Variants in SLC25A12 observed in about 807,000 individuals in gnomAD.
SLC25A12 encodes electrogenic aspartate/glutamate antiporter SLC25A12, mitochondrial.
SLC25A12 carries 32 observed loss-of-function variants against 83.3 expected under a neutral mutation model. That is an observed-to-expected ratio of 0.38 (90% CI 0.29 to 0.52). The LOEUF (loss-of-function observed/expected upper bound fraction) is 0.52. Ranked by LOEUF, SLC25A12 falls within the 20% of genes least tolerant of loss-of-function variation. The pLI is 0.84. For synonymous variants in SLC25A12, 267 were observed against 291.1 expected (o/e 0.92, Z 0.84); for missense variants, 611 against 835.6 (o/e 0.73, Z 3.31).
chr2:171,865,454 A>G (rs1211780582), intron 3 of SLC25A12, among the ~76,000 whole-genome samples: 2 of 152,128 alleles, frequency 1.3e-5, no homozygotes, highest in Admixed American at 1.3e-4. Context: ...TGAGGTCAGG[A>G]GTTCGAGATC....
chr2:171,827,017 T>C, intron 8 of SLC25A12, 135 bp from the exon 9 acceptor site: 2 of 664,004 alleles, frequency 3.0e-6, no homozygotes, highest in Admixed American at 5.5e-5. Flanking sequence ...ACACAGATCA[T>C]TTTAGTGAAA....
chr2:171,823,620 T>C (rs1477554870), intron 9 of SLC25A12, among the ~76,000 whole-genome samples: 5 of 152,190 alleles, frequency 3.3e-5, no homozygotes, highest in Admixed American at 3.3e-4. Flanking sequence ...TCTCTGTACC[T>C]AATCCTCAGT....
chr2:171,793,812 C>T (rs536488191), intron 13 of SLC25A12, 45 bp from the exon 14 acceptor site: 6 of 1,612,110 alleles, frequency 3.7e-6, no homozygotes, highest in East Asian at 4.5e-5. Flanking sequence ...CATCAGAGCC[C>T]GACTGGCAGC....
intron 4 of SLC25A12, among the ~76,000 whole-genome samples, 159 bp from the exon 5 acceptor site, chr2:171,844,667 C>T (rs989503093): frequency 4.6e-5 from 7 of 152,146 alleles, no homozygotes; most frequent in South Asian, 2.1e-4. Context: ...AGAAACCATG[C>T]GCAGGAACAC....
intron 9 of SLC25A12, among the ~76,000 whole-genome samples, chr2:171,819,330 TA>T (rs1395285720): frequency 1.7e-5 from 2 of 119,976 alleles, no homozygotes; most frequent in African/African-American, 3.1e-5. Flanking sequence ...ACATAATATA[TA>T]ATTATATATA....
intron 5 of SLC25A12, among the ~76,000 whole-genome samples, chr2:171,843,229 A>C (rs1310709339): frequency 6.6e-6 from 1 of 152,220 alleles, no homozygotes; most frequent in East Asian, 1.9e-4. Flanking sequence ...TAGAATACCT[A>C]ATGTGTTTTA....
chr2:171,850,979 T>C lies in SLC25A12; in HGVS notation c.325+4855A>G, dbSNP rs1016660834. Among the ~76,000 whole-genome samples the C allele has an allele frequency of 3.9e-5, 6 of 152,318 alleles. No individual in the cohort carries two copies. In the South Asian group the frequency reaches 8.3e-4, roughly 21 times the overall value. On this transcript the variant is annotated intron_variant, in intron 4 of 17. Coordinates refer to ENST00000422440, the MANE Select transcript of SLC25A12 (RefSeq NM_003705.5). ...TGCTATATGTATTAATGGTCAAACATAGTACTACATTTAAAGGAATCTCTG... is the reference window on the plus strand; with the variant it reads ...TGCTATATGTATTAATGGTCAAACACAGTACTACATTTAAAGGAATCTCTG...
intron 5 of SLC25A12, among the ~76,000 whole-genome samples, chr2:171,842,683 G>A (rs2105893959): frequency 6.6e-6 from 1 of 152,306 alleles, no homozygotes; most frequent in Middle Eastern, 3.4e-3. Context: ...TAGGCTGGAA[G>A]TTGCCAGAGC....
intron 1 of SLC25A12, 151 bp from the exon 2 acceptor site, chr2:171,893,409 C>A: frequency 1.4e-6 from 1 of 739,864 alleles, no homozygotes; most frequent in Admixed American, 2.3e-5. Flanking sequence ...CTGATAAGAA[C>A]TGTCAAACTG....
Position 171,784,979 on chromosome 2 carries a change from AAT to A in SLC25A12, c.*293_*294del, listed in dbSNP as rs1404816308. On this transcript the variant is annotated 3_prime_UTR_variant, in exon 18 of 18. Coordinates refer to ENST00000422440, the MANE Select transcript of SLC25A12 (RefSeq NM_003705.5). ...AAGATGTCTCTGTACAAAGATGTAC[AAT>A]ATGTACAATCACTGTAAGTGCAAGC... is the stretch of plus-strand genomic sequence containing the variant. 2.6e-6 allele frequency: 1 copy of A among 382,968 alleles called. No individual in the cohort carries two copies. Among genetic ancestry groups the A allele is most frequent in the African/African-American group, 2.1e-5 (1 of 48,120 alleles). 23.7% of individuals were successfully genotyped at this position (382,968 alleles called of 1,614,324 possible). A position where few individuals can be genotyped will look rare whatever the true frequency, so the allele number is the denominator to read the frequency against.
chr2:171,893,098 G>T, intron 2 of SLC25A12, 107 bp downstream of exon 2: 1 of 864,228 alleles, frequency 1.2e-6, no homozygotes, highest in Non-Finnish European at 1.9e-6. Flanking sequence ...ATGTTTGAAA[G>T]AATACATGAA....
At chr2:171,842,775 A>G (rs1684705913) in intron 5 of SLC25A12, among the ~76,000 whole-genome samples, 2 of 152,156 alleles carry the variant, frequency 1.3e-5, no homozygotes, top group Non-Finnish European at 2.9e-5. Flanking sequence ...TTGGAACTAG[A>G]TATAAGACAC....
In SLC25A12 at chr2:171,893,228, C is replaced by T. The variant is rs1019534146; in HGVS notation, c.43G>A (p.Glu15Lys). The T allele has an allele frequency of 6.2e-7, 1 of 1,614,100 alleles. No homozygotes were observed. The highest frequency in any genetic ancestry group is 8.5e-7 in the Non-Finnish European group (1 of 1,180,016). The change falls in exon 2 of 18, where the codon GAG (glutamate) becomes AAG (lysine). Residue 15 changes from glutamate to lysine, a missense_variant. Coordinates refer to ENST00000422440, the MANE Select transcript of SLC25A12 (RefSeq NM_003705.5). ...VQTTKRGDPH[E>K]LRNIFLQYAS... ...ACCTGTAGAAATATGTTTCTTAACT[C>T]ATGAGGATCCCCTCGCTTAGTTGTC...
intron 3 of SLC25A12, among the ~76,000 whole-genome samples, chr2:171,864,046 G>C (rs1413296199): frequency 6.6e-6 from 1 of 152,178 alleles, no homozygotes; most frequent in African/African-American, 2.4e-5. Flanking sequence ...TGGACTCAAA[G>C]AACTTAGACA....
intron 4 of SLC25A12, among the ~76,000 whole-genome samples, chr2:171,846,048 CAATT>C (rs1684790977): frequency 6.6e-6 from 1 of 152,118 alleles, no homozygotes; most frequent in African/African-American, 2.4e-5. Context: ...GTTTACAAAA[CAATT>C]AAAATAATAA....
chr2:171,807,539 G>C (rs1215200630), intron 13 of SLC25A12, among the ~76,000 whole-genome samples: 1 of 152,226 alleles, frequency 6.6e-6, no homozygotes. Context: ...ACATGGAACA[G>C]AAAGAGCATG....
chr2:171,793,520 A>G, intron 14 of SLC25A12, 107 bp downstream of exon 14: 1 of 1,182,252 alleles, frequency 8.5e-7, no homozygotes, highest in Non-Finnish European at 1.3e-6. Flanking sequence ...TTTCTGCTCC[A>G]CAGACTACCC....
intron 8 of SLC25A12, among the ~76,000 whole-genome samples, chr2:171,833,639 C>T (rs1384496646): frequency 6.6e-6 from 1 of 152,080 alleles, no homozygotes; most frequent in African/African-American, 2.4e-5. Context: ...TCTCCCATTT[C>T]ACTCTCTCAT....
At chr2:171,844,588 A>T (rs1293169465) in intron 4 of SLC25A12, 80 bp from the exon 5 acceptor site, 1 of 1,036,132 alleles carries the variant, frequency 9.7e-7, no homozygotes, top group Non-Finnish European at 1.5e-6. Context: ...ACAGAAAAAA[A>T]TTAAGAGAAG....
Sources: gnomAD v4.1 joint callset for allele counts (sites outside exome capture counted in the v4.1 genomes callset) on GRCh38, gnomAD v4.1.1 for gene constraint, MANE v1.5 for transcripts, NCBI Gene and HGNC (gene_info 2026-07-23, HGNC 2026-07-21) for gene names.